REEP5: variants seen among roughly 807,000 people sequenced by gnomAD.
REEP5 encodes the protein receptor accessory protein 5.
In REEP5, 24 loss-of-function variants were observed where a neutral mutation model predicts 22.4. The ratio of observed to expected loss-of-function variants is 1.07; its 90% CI spans 0.78 to 1.51. The LOEUF is 1.51. Ranked by LOEUF, REEP5 falls within the 40% of genes most tolerant of loss-of-function variation. The probability of loss-of-function intolerance (pLI) is 0.00; values close to 1 mark genes in which losing one functional copy is unlikely to be tolerated. For missense variants in REEP5, 252 were observed against 233.0 expected (o/e 1.08, Z -0.53); for synonymous variants, 103 against 88.6 (o/e 1.16, Z -0.92).
intron 3 of REEP5, chr5:112,895,436 G>A (rs1768652974): frequency 6.6e-6 from 1 of 152,022 alleles, no homozygotes; most frequent in Non-Finnish European, 1.5e-5. Context: ...AATATTACCT[G>A]CCTATGTAGA....
intron 3 of REEP5, chr5:112,892,878 C>T: frequency 6.2e-7 from 1 of 1,612,720 alleles, no homozygotes; most frequent in African/African-American, 1.3e-5. Context: ...AGAAATCTCA[C>T]AAACGCACAT....
intron 2 of REEP5, among the ~76,000 whole-genome samples, chr5:112,908,787 C>A (rs1245696511): frequency 6.6e-6 from 1 of 151,724 alleles, no homozygotes; most frequent in African/African-American, 2.4e-5. Flanking sequence ...GATCTCCTGA[C>A]CTCGTGATCC....
At chr5:112,893,094 TAA>T (rs552226372) in intron 3 of REEP5, 8,618 of 497,014 alleles carry the variant, frequency 0.017, 63 homozygotes, top group African/African-American at 0.056. Context: ...GTTTTGTTCT[TAA>T]AAAAAAAAAA....
chr5:112,908,696 A>C (rs435631), intron 2 of REEP5, among the ~76,000 whole-genome samples: 1 of 151,462 alleles, frequency 6.6e-6, no homozygotes, highest in Non-Finnish European at 1.5e-5. Flanking sequence ...CACGACCACG[A>C]CAGCGCCCAC....
At chr5:112,880,911 T>C (rs1339697797) in intron 4 of REEP5, among the ~76,000 whole-genome samples, 1 of 152,090 alleles carries the variant, frequency 6.6e-6, no homozygotes, top group African/African-American at 2.4e-5. Flanking sequence ...GGTGGATCAC[T>C]TGAGGCCAGG....
intron 3 of REEP5, among the ~76,000 whole-genome samples, chr5:112,900,041 C>T (rs1768807607): frequency 6.6e-6 from 1 of 152,162 alleles, no homozygotes. Flanking sequence ...CAGATATTTT[C>T]AATCTTTAAA....
chr5:112,882,690 A>G (rs759917130), intron 4 of REEP5, among the ~76,000 whole-genome samples: 21 of 152,206 alleles, frequency 1.4e-4, no homozygotes, highest in Non-Finnish European at 1.5e-5. Context: ...CTGTTTTCAC[A>G]CTACAATGGC....
chr5:112,909,531 T>G (rs1368668333), intron 2 of REEP5, among the ~76,000 whole-genome samples: 6 of 152,110 alleles, frequency 3.9e-5, no homozygotes. Context: ...CTACAGGTAG[T>G]AAGAAGTTAG....
chr5:112,910,106 C>T, intron 2 of REEP5, among the ~76,000 whole-genome samples: 1 of 152,178 alleles, frequency 6.6e-6, no homozygotes, highest in Non-Finnish European at 1.5e-5. Flanking sequence ...AGTTCAAGGC[C>T]AGACTGGCCA....
chr5:112,908,086 C>CTTTGT lies in REEP5; in HGVS notation c.213-5569_213-5568insACAAA, dbSNP rs1561657600. Among the ~76,000 whole-genome samples the CTTTGT allele has an allele frequency of 5.2e-5, 4 of 76,762 alleles. 1 individual carries two copies. The highest frequency in any genetic ancestry group is 6.8e-5 in the African/African-American group (1 of 14,792). The allele number at this position is 76,762 out of a possible 152,430, so 50.4% of individuals were successfully genotyped here. ...TTTGGAAAAGAATGAGCATCAGAGA[C>CTTTGT]TTTCTTTGTTTTTTGTTTTTTTTTT... On this transcript the variant is annotated intron_variant, in intron 2 of 4. Coordinates refer to ENST00000379638, the MANE Select transcript of REEP5 (RefSeq NM_005669.5).
At chr5:112,913,345 AAAAGAAAG>A (rs766554555) in intron 2 of REEP5, among the ~76,000 whole-genome samples, 1 of 148,564 alleles carries the variant, frequency 6.7e-6, no homozygotes, top group Non-Finnish European at 1.5e-5. Context: ...GAAAAGAAAG[AAAAGAAAG>A]AAAGAAAGGA....
At chr5:112,887,234 T>C (rs1426601562) in intron 3 of REEP5, 51 bp from the exon 4 acceptor site, 2 of 1,468,944 alleles carry the variant, frequency 1.4e-6, no homozygotes, top group South Asian at 1.4e-5. Context: ...AGGGGGCACA[T>C]TCTGAGAATA....
At chr5:112,881,486 C>G (rs145760128) in intron 4 of REEP5, among the ~76,000 whole-genome samples, 2 of 152,158 alleles carry the variant, frequency 1.3e-5, no homozygotes, top group Non-Finnish European at 2.9e-5. Context: ...TCCATTCCTC[C>G]GAATGTTTCC....
chr5:112,909,258 G>T (rs191909849), intron 2 of REEP5, among the ~76,000 whole-genome samples: 19 of 148,138 alleles, frequency 1.3e-4, no homozygotes, highest in Non-Finnish European at 2.8e-4. Context: ...AAGCCTCATT[G>T]TGTTGTTGTG....
chr5:112,879,395 T>TGTGA (rs1329695257), intron 4 of REEP5, among the ~76,000 whole-genome samples: 1 of 152,144 alleles, frequency 6.6e-6, no homozygotes, highest in Non-Finnish European at 1.5e-5. Flanking sequence ...TACCAAAATC[T>TGTGA]GTGAGTGCTC....
intron 3 of REEP5, among the ~76,000 whole-genome samples, chr5:112,898,836 C>T (rs1218572479): frequency 2.6e-5 from 4 of 152,070 alleles, no homozygotes; most frequent in Admixed American, 2.0e-4. Flanking sequence ...ACAAAAAAAT[C>T]CAATCTTTGA....
intron 4 of REEP5, among the ~76,000 whole-genome samples, chr5:112,883,480 T>C (rs962342020): frequency 1.3e-5 from 2 of 152,172 alleles, no homozygotes; most frequent in East Asian, 1.9e-4. Flanking sequence ...GCTACCTCAA[T>C]TGGCCACTCC....
intron 2 of REEP5, among the ~76,000 whole-genome samples, chr5:112,917,444 A>G (rs1044850704): frequency 6.6e-6 from 1 of 152,264 alleles, no homozygotes; most frequent in Non-Finnish European, 1.5e-5. Flanking sequence ...CCAAGTCTTA[A>G]GGAAAATATG....
chr5:112,918,397 G>A (rs570564777), intron 2 of REEP5, among the ~76,000 whole-genome samples: 1 of 152,294 alleles, frequency 6.6e-6, no homozygotes, highest in South Asian at 2.1e-4. Context: ...TCCAAAGGGA[G>A]TCCAAAGGGA....
Sources: allele counts gnomAD v4.1 joint callset (sites outside exome capture counted in the v4.1 genomes callset), GRCh38; gene constraint gnomAD v4.1.1; transcripts MANE v1.5; gene names NCBI Gene and HGNC (gene_info 2026-07-23, HGNC 2026-07-21).